Variants in RGN observed in about 807,000 individuals in gnomAD.
RGN encodes the protein epididymis secretory protein Li 41.
A neutral mutation model predicts 20.6 loss-of-function variants in RGN; 19 were observed. That is an observed-to-expected ratio of 0.92 (90% CI 0.64 to 1.35). RGN has a LOEUF of 1.35. Among genes scored for constraint, RGN ranks in the 40% most tolerant of loss-of-function variants. The pLI is 0.00. For synonymous variants in RGN, 85 were observed against 87.2 expected (o/e 0.97, Z 0.14); for missense variants, 302 against 232.7 (o/e 1.30, Z -1.94).
At chrX:47,087,563 G>A (rs1482834822) in intron 4 of RGN, 1 of 110,282 alleles carries the variant, frequency 9.1e-6, no homozygotes, top group Non-Finnish European at 1.9e-5. Flanking sequence ...AGATTAGCAT[G>A]GCCTCTGCAC....
chrX:47,092,817 A>T, intron 7 of RGN, 80 bp from the exon 8 acceptor site: 1 of 815,199 alleles, frequency 1.2e-6, no homozygotes, highest in Non-Finnish European at 1.8e-6. Context: ...TAAGTATATT[A>T]CTACAAATCA....
At chrX:47,088,658 G>T (rs889574669) in intron 4 of RGN, among the ~76,000 whole-genome samples, 2 of 109,950 alleles carry the variant, frequency 1.8e-5, no homozygotes, top group Non-Finnish European at 3.8e-5. Context: ...TTGGCCGGGC[G>T]CGGTGGCTCA....
rs782458872 is a variant in RGN at position 47,084,722 on chromosome X, G to T, written c.346+122G>T. The T allele has an allele frequency of 3.1e-5, 18 of 578,564 alleles. No homozygotes were observed. In the East Asian group the frequency reaches 5.7e-4, roughly 18 times the overall value. The allele number at this position is 578,564 out of a possible 1,213,427, so 47.7% of individuals were successfully genotyped here. On this transcript the variant is annotated intron_variant, in intron 4 of 7. Coordinates refer to ENST00000397180, the MANE Select transcript of RGN (RefSeq NM_152869.4). ...TGTAATCCAGCACTTTGGGAGCCAA[G>T]GCGAGTAGGTCGCATGAGCCCAGGA...
chrX:47,083,099 TA>T (rs200393075), intron 3 of RGN, among the ~76,000 whole-genome samples: 2 of 109,830 alleles, frequency 1.8e-5, no homozygotes, highest in African/African-American at 6.6e-5. Flanking sequence ...AAAATAAATT[TA>T]AAAAAAAAGC....
At chrX:47,083,916 CA>C (rs112133000) in intron 3 of RGN, among the ~76,000 whole-genome samples, 12 of 54,751 alleles carry the variant, frequency 2.2e-4, no homozygotes, top group African/African-American at 1.2e-3. Flanking sequence ...CTGTCTCAAA[CA>C]AAACAAACAA....
chrX:47,088,146 C>T (rs1401404184), intron 4 of RGN, among the ~76,000 whole-genome samples: 9 of 105,850 alleles, frequency 8.5e-5, no homozygotes, highest in Non-Finnish European at 1.5e-4. Flanking sequence ...CGGAGGTGCC[C>T]CAGGCCCAGA....
rs781784678 is a variant in RGN, at chrX:47,084,581, C to A, written c.327C>A (p.Pro109=). ...NNRFNDGKVD[P]AGRYFAGTMA... ...GCTTCAATGATGGGAAGGTGGATCC[C>A]GCCGGGAGGTACTTTGCTGGTAAGA... The change falls in exon 4 of 8, where the codon CCC becomes CCA. Residue 109 remains proline (P), a synonymous_variant. Coordinates refer to ENST00000397180, the MANE Select transcript of RGN (RefSeq NM_152869.4). 1.5e-5 allele frequency: 18 copies of A among 1,189,308 alleles called. No homozygotes were observed. In the South Asian group the frequency reaches 2.8e-4, roughly 18 times the overall value.
In RGN at chrX:47,089,977, A is replaced by G; in HGVS notation, c.548A>G (p.Gln183Arg). Residue 183 changes from glutamine (Q) to arginine (R), a missense_variant, in exon 5 of 8, where the codon CAG (glutamine) becomes CGG (arginine). Transcript: ENST00000397180. Reference protein sequence around the residue: ...YSVDAFDYDLQTGQISNRRSV... With the variant: ...YSVDAFDYDLRTGQISNRRSV... ...GTGGATGCCTTTGACTATGACCTGCAGACAGGACAGATCTGTATGTATTTT... is the reference window on the plus strand; with the variant it reads ...GTGGATGCCTTTGACTATGACCTGCGGACAGGACAGATCTGTATGTATTTT... The G allele has an allele frequency of 8.5e-7, 1 of 1,180,898 alleles. No homozygotes were observed. The highest frequency in any genetic ancestry group is 1.1e-6 in the Non-Finnish European group (1 of 871,382).
Position 47,089,779 on chromosome X carries a change from C to G in RGN, c.350C>G (p.Thr117Ser), listed in dbSNP as rs1434754354. The G allele has an allele frequency of 8.3e-7, 1 of 1,198,975 alleles. No individual in the cohort carries two copies. The highest frequency in any genetic ancestry group is 1.8e-5 in the African/African-American group (1 of 55,375). The stretch of plus-strand genomic sequence containing the variant: ...CAGTGCTCTTTGGTTTTTGTAGGCA[C>G]CATGGCTGAGGAAACAGCTCCAGCA... ...VDPAGRYFAG[T>S]MAEETAPAVL... The change falls in exon 5 of 8, where the codon ACC (threonine) becomes AGC (serine). Residue 117 changes from threonine to serine, a missense_variant. By Grantham distance (58) the Thr-to-Ser change is moderately conservative. Transcript: ENST00000397180.
Position 47,089,757 on chromosome X carries a change from T to C in RGN, c.347-19T>C, listed in dbSNP as rs1930845887. The C allele has an allele frequency of 1.7e-6, 2 of 1,175,312 alleles. No homozygotes were observed. The highest frequency in any genetic ancestry group is 3.7e-5 in the South Asian group (2 of 54,730). ...TAAGATGCTATGGGGCAGAGCTCAG[T>C]GCTCTTTGGTTTTTGTAGGCACCAT... On this transcript the variant is annotated intron_variant, in intron 4 of 7. Transcript: ENST00000397180.
intron 5 of RGN, among the ~76,000 whole-genome samples, chrX:47,091,285 C>T (rs1292659672): frequency 1.8e-5 from 2 of 111,447 alleles, no homozygotes; most frequent in Non-Finnish European, 3.8e-5. Context: ...GAACTGTTCA[C>T]GTGGTACCAT....
intron 5 of RGN, among the ~76,000 whole-genome samples, chrX:47,090,793 G>A (rs1055873747): frequency 3.8e-5 from 4 of 106,219 alleles, no homozygotes; most frequent in African/African-American, 1.4e-4. Flanking sequence ...AACCCGGGAG[G>A]CAGGGGTTGC....
chrX:47,086,295 C>T (rs917420446), intron 4 of RGN, among the ~76,000 whole-genome samples: 2 of 111,254 alleles, frequency 1.8e-5, no homozygotes, highest in African/African-American at 6.5e-5. Flanking sequence ...TGGAGGTACA[C>T]GATGTCCGTG....
rs1300077863 is a variant in RGN at position 47,093,249 on chromosome X, T to C, written c.*302T>C. ...GGGTGGGTACATATCTCTTCTTGAT[T>C]CTGCATTTCATACTTAACTATATTA... On this transcript the variant is annotated 3_prime_UTR_variant, in exon 8 of 8. Coordinates refer to ENST00000397180, the MANE Select transcript of RGN (RefSeq NM_152869.4). 2 of 258,546 alleles carry C rather than the reference T, an allele frequency of 7.7e-6. No individual in the cohort carries two copies. The highest frequency in any genetic ancestry group is 1.3e-5 in the Non-Finnish European group (2 of 148,372). 21.3% of individuals were successfully genotyped at this position (258,546 alleles called of 1,213,427 possible).
In RGN at chrX:47,089,751, G is replaced by A. The variant is rs782192410; in HGVS notation, c.347-25G>A. ...ATGGGGTAAGATGCTATGGGGCAGA[G>A]CTCAGTGCTCTTTGGTTTTTGTAGG... On this transcript the variant is annotated intron_variant, in intron 4 of 7. Transcript: ENST00000397180. 4.4e-5 allele frequency: 51 copies of A among 1,163,588 alleles called. No homozygotes were observed. The South Asian group carries it at 5.0e-4, about 11-fold the overall frequency.
At chrX:47,080,117 A>G (rs1160339615) in intron 1 of RGN, among the ~76,000 whole-genome samples, 200 bp from the exon 2 acceptor site, 1 of 111,583 alleles carries the variant, frequency 9.0e-6, no homozygotes, top group African/African-American at 3.3e-5. Context: ...TCCTGGGCCC[A>G]AGCAATCTTC....
rs1930492120 is a variant in RGN, at chrX:47,084,454, G to T, written c.200G>T (p.Gly67Val). 6.6e-6 allele frequency: 8 copies of T among 1,205,971 alleles called. No individual in the cohort carries two copies. In the Admixed American group the frequency reaches 1.5e-4, roughly 23 times the overall value. Residue 67 changes from glycine (G) to valine (V), a missense_variant, in exon 4 of 8, where the codon GGA becomes GTA. Gly to Val is a moderately radical substitution (Grantham distance 109). Coordinates refer to ENST00000397180, the MANE Select transcript of RGN (RefSeq NM_152869.4). ...PVSSVALRQS[G>V]GYVATIGTKF... The stretch of plus-strand genomic sequence containing the variant: ...AGCTCCGTGGCTCTTCGCCAGTCGG[G>T]AGGCTATGTTGCCACCATTGGAACA...
Position 47,092,168 on chromosome X carries a change from G to A in RGN, c.802G>A (p.Asp268Asn), listed in dbSNP as rs1556388219. Residue 268 changes from aspartate to asparagine, a missense_variant, in exon 7 of 8, where the codon GAC becomes AAC. Coordinates refer to ENST00000397180, the MANE Select transcript of RGN (RefSeq NM_152869.4). ...MYVTCARDGM[D>N]PEGLLRQPEA... ...TGTGACCTGCGCCCGGGATGGGATGGACCCCGAGGGTCTTTTGAGGCAACC... is the reference window on the plus strand; with the variant it reads ...TGTGACCTGCGCCCGGGATGGGATGAACCCCGAGGGTCTTTTGAGGCAACC... 4 of 1,195,449 alleles carry A rather than the reference G, an allele frequency of 3.3e-6. No individual in the cohort carries two copies. Among genetic ancestry groups the A allele is most frequent in the Non-Finnish European group, 4.5e-6 (4 of 886,497 alleles).
chrX:47,088,858 C>T (rs981268859), intron 4 of RGN, among the ~76,000 whole-genome samples: 2 of 99,900 alleles, frequency 2.0e-5, no homozygotes, highest in Admixed American at 1.1e-4. Flanking sequence ...TGCTTCAGTC[C>T]GGGAGGTTGA....
Sources: gnomAD v4.1 joint callset for allele counts (sites outside exome capture counted in the v4.1 genomes callset) on GRCh38, gnomAD v4.1.1 for gene constraint, MANE v1.5 for transcripts, NCBI Gene and HGNC (gene_info 2026-07-23, HGNC 2026-07-21) for gene names.